Variants in PCDHA1 observed in about 807,000 individuals in gnomAD.
PCDHA1 encodes the protein protocadherin alpha 1.
PCDHA1 carries 42 observed loss-of-function variants against 61.3 expected under a neutral mutation model. The observed-to-expected ratio is 0.69, with a 90% confidence interval of 0.54 to 0.89. The LOEUF is 0.89. PCDHA1 is among the 40% of genes least tolerant of loss of function. PCDHA1 has a pLI of 0.00. For missense variants in PCDHA1, 1,256 were observed against 1,235.3 expected, an observed-to-expected ratio of 1.02 and a Z score of -0.25; for synonymous variants, 610 against 553.8, an observed-to-expected ratio of 1.10 and a Z score of -1.43.
intron 1 of PCDHA1, among the ~76,000 whole-genome samples, chr5:140,871,786 T>G (rs2053308227): frequency 6.6e-6 from 1 of 152,224 alleles, no homozygotes; most frequent in African/African-American, 2.4e-5. Flanking sequence ...GTCACTTGAG[T>G]AGAAATAATT....
intron 1 of PCDHA1, chr5:140,822,039 G>C (rs2150113101): frequency 1.2e-6 from 2 of 1,614,106 alleles, no homozygotes; most frequent in African/African-American, 2.7e-5. Flanking sequence ...TGAATTCTCG[G>C]ATCGACCGGG....
rs551967990 is a variant in PCDHA1 at position 140,858,294 on chromosome 5, C to G, written c.2394+69610C>G. ...AGCGCGGTGGGGAGCTGGTCTTACTCGCAGCAGAGGCGGCAGAGGGTGTGT... is the reference window on the plus strand; with the variant it reads ...AGCGCGGTGGGGAGCTGGTCTTACTGGCAGCAGAGGCGGCAGAGGGTGTGT... On this transcript the variant is annotated intron_variant, in intron 1 of 3. Transcript: ENST00000504120. 3 of 1,597,466 alleles carry G rather than the reference C, an allele frequency of 1.9e-6. No individual in the cohort carries two copies. The African/African-American group carries it at 4.0e-5, about 21-fold the overall frequency.
At chr5:140,931,021 G>C (rs2153606770) in intron 1 of PCDHA1, among the ~76,000 whole-genome samples, 1 of 152,272 alleles carries the variant, frequency 6.6e-6, no homozygotes, top group Admixed American at 6.5e-5. Flanking sequence ...GGAATTTTCT[G>C]ATTGTAGAGC....
chr5:140,849,672 G>C (rs2150444436), intron 1 of PCDHA1: 3 of 1,598,534 alleles, frequency 1.9e-6, no homozygotes, highest in Middle Eastern at 1.7e-4. Flanking sequence ...GACGCCCCAC[G>C]TCCCCTTCAA....
At chr5:140,869,764 G>A (rs1554163420) in intron 1 of PCDHA1, 4 of 1,613,244 alleles carry the variant, frequency 2.5e-6, no homozygotes, top group East Asian at 4.5e-5. Context: ...GGGAAAACCA[G>A]AGCTTACTGG....
intron 1 of PCDHA1, chr5:140,795,696 A>G (rs1554119541): frequency 3.1e-6 from 5 of 1,614,150 alleles, no homozygotes; most frequent in Non-Finnish European, 3.4e-6. Context: ...CTTTTGCCCA[A>G]TCAGTTTACA....
At chr5:140,883,528 C>T in intron 1 of PCDHA1, 1 of 1,614,248 alleles carries the variant, frequency 6.2e-7, no homozygotes, top group South Asian at 1.1e-5. Flanking sequence ...GCGTATCAGC[C>T]TATGAACTGG....
At chr5:140,846,553 T>G (rs1374500814) in intron 1 of PCDHA1, among the ~76,000 whole-genome samples, 5 of 148,228 alleles carry the variant, frequency 3.4e-5, no homozygotes, top group Non-Finnish European at 7.5e-5. Context: ...TTTTTGTATT[T>G]TTAGTAGAGT....
chr5:140,999,215 C>A (rs1290752092), intron 3 of PCDHA1, among the ~76,000 whole-genome samples: 1 of 152,140 alleles, frequency 6.6e-6, no homozygotes, highest in East Asian at 1.9e-4. Context: ...TCTGGAAGTA[C>A]TACATTTGAG....
intron 1 of PCDHA1, chr5:140,843,157 G>T: frequency 6.3e-7 from 1 of 1,596,132 alleles, no homozygotes; most frequent in Non-Finnish European, 8.6e-7. Context: ...ATGAGCTGCA[G>T]CCAGCTGCAA....
rs781944777 is a variant in PCDHA1, at chr5:140,978,930, T to A, written c.2395-19T>A. ...TTGTCTTGTCATTTTAACAGAAAAC[T>A]CTCTTTGTGATTTTGCAGCCACGAC... On this transcript the variant is annotated intron_variant, in intron 1 of 3. Transcript: ENST00000504120. The A allele has an allele frequency of 1.2e-6, 2 of 1,614,088 alleles. No homozygotes were observed. The highest frequency in any genetic ancestry group is 8.5e-7 in the Non-Finnish European group (1 of 1,180,010).
intron 1 of PCDHA1, among the ~76,000 whole-genome samples, chr5:140,840,839 T>C (rs1165670429): frequency 6.6e-6 from 1 of 152,038 alleles, no homozygotes; most frequent in Non-Finnish European, 1.5e-5. Context: ...TAAATATTAA[T>C]GCATTTCTTC....
At chr5:140,851,370 T>A in intron 1 of PCDHA1, 1 of 979,252 alleles carries the variant, frequency 1.0e-6, no homozygotes, top group Non-Finnish European at 1.2e-6. Flanking sequence ...AACATCTGAT[T>A]GTTCAGCAAC....
At chr5:141,008,367 G>A (rs2098373101) in intron 3 of PCDHA1, among the ~76,000 whole-genome samples, 1 of 152,144 alleles carries the variant, frequency 6.6e-6, no homozygotes, top group African/African-American at 2.4e-5. Flanking sequence ...AAGGAGCAGT[G>A]TTAGATACAT....
chr5:140,883,722 A>G (rs1249317360), intron 1 of PCDHA1: 1 of 1,613,546 alleles, frequency 6.2e-7, no homozygotes, highest in Non-Finnish European at 8.5e-7. Context: ...GCGGACGCAC[A>G]GGAGAACGCG....
intron 1 of PCDHA1, chr5:140,824,589 T>A (rs2150134890): frequency 6.5e-6 from 1 of 154,268 alleles, no homozygotes; most frequent in Non-Finnish European, 1.4e-5. Context: ...GTAGCTGGAC[T>A]ACATGCACAT....
chr5:140,956,522 C>T (rs1043265748), intron 1 of PCDHA1, among the ~76,000 whole-genome samples: 14 of 152,116 alleles, frequency 9.2e-5, no homozygotes, highest in Non-Finnish European at 1.9e-4. Flanking sequence ...GGTGAATAAG[C>T]TTTTTGATGT....
At chr5:140,794,886 G>C (rs1761890592) in intron 1 of PCDHA1, 14 of 1,426,462 alleles carry the variant, frequency 9.8e-6, no homozygotes, top group Non-Finnish European at 1.3e-5. Context: ...AGAAGCAGCA[G>C]GACTTTAACA....
chr5:140,790,427 T>C (rs1302391913), intron 1 of PCDHA1, among the ~76,000 whole-genome samples: 10 of 152,376 alleles, frequency 6.6e-5, no homozygotes, highest in African/African-American at 2.4e-4. Context: ...TAATATAATT[T>C]GCTAGTTAAG....
Sources: gnomAD v4.1 joint callset for allele counts (sites outside exome capture counted in the v4.1 genomes callset) on GRCh38, gnomAD v4.1.1 for gene constraint, MANE v1.5 for transcripts, NCBI Gene and HGNC (gene_info 2026-07-23, HGNC 2026-07-21) for gene names.